EIF3B: variants seen among roughly 807,000 people sequenced by gnomAD.
EIF3B encodes eukaryotic translation initiation factor 3 subunit B.
A neutral mutation model predicts 104.6 loss-of-function variants in EIF3B; 10 were observed. That is an observed-to-expected ratio of 0.10 (90% CI 0.06 to 0.16). The LOEUF (loss-of-function observed/expected upper bound fraction) is 0.16, where lower values mean the gene tolerates loss of function less well. Among genes scored for constraint, EIF3B ranks in the 10% least tolerant of loss-of-function variants. The pLI, the probability that EIF3B is intolerant of heterozygous loss-of-function variation, is 1.00. For synonymous variants in EIF3B, 542 were observed against 417.2 expected (o/e 1.30, Z -3.65); for missense variants, 1,014 against 1,087.9 (o/e 0.93, Z 0.96).
chr7:2,363,250 C>T (rs1189705596), intron 4 of EIF3B, 123 bp downstream of exon 4: 20 of 959,260 alleles, frequency 2.1e-5, no homozygotes, highest in Non-Finnish European at 3.1e-5. Flanking sequence ...CCCAGGAATT[C>T]AAGACCAGCC....
Position 2,366,338 on chromosome 7 carries a change from C to T in EIF3B, c.1179C>T (p.Pro393=). Residue 393 remains proline, a synonymous_variant, in exon 7 of 19, where the codon CCC becomes CCT. Coordinates refer to ENST00000360876, the MANE Select transcript of EIF3B (RefSeq NM_001037283.2). The part of the protein sequence containing the change: ...PCERYLVTFS[P]LMDTQDDPQA... Reference sequence around the variant, plus strand: ...CTAGGTACCTGGTGACCTTTAGCCCCCTGATGGACACGCAGGATGACCCTC... The same window carrying T: ...CTAGGTACCTGGTGACCTTTAGCCCTCTGATGGACACGCAGGATGACCCTC... The T allele has an allele frequency of 8.1e-6, 13 of 1,611,654 alleles. No individual in the cohort carries two copies. Among genetic ancestry groups the T allele is most frequent in the Non-Finnish European group, 1.1e-5 (13 of 1,178,964 alleles).
intron 1 of EIF3B, among the ~76,000 whole-genome samples, chr7:2,359,820 G>A (rs1779637218): frequency 6.6e-6 from 1 of 152,218 alleles, no homozygotes; most frequent in Non-Finnish European, 1.5e-5. Context: ...AGGACACCCA[G>A]CTGGTGGCCC....
rs1362913914 is a variant in EIF3B at position 2,355,099 on chromosome 7, G to A, written c.178G>A (p.Ala60Thr). ...CAGTGAGGAGGTGGGGATCGCGGAGGCCGGGCCGGAGTCCGAGGTGAGGAC... is the reference window on the plus strand; with the variant it reads ...CAGTGAGGAGGTGGGGATCGCGGAGACCGGGCCGGAGTCCGAGGTGAGGAC... ...ASSEEVGIAE[A>T]GPESEVRTEP... is the part of the protein sequence containing the mutation. Residue 60 changes from alanine to threonine, a missense_variant, in exon 1 of 19, where the codon GCC becomes ACC. Around this residue, in one of 4 missense-constraint regions of EIF3B, gnomAD observed 488 missense variants for 404.3 expected, o/e 1.21. Coordinates refer to ENST00000360876, the MANE Select transcript of EIF3B (RefSeq NM_001037283.2). 3.0e-6 allele frequency: 4 copies of A among 1,349,442 alleles called. No individual in the cohort carries two copies. The African/African-American group carries it at 4.6e-5, about 16-fold the overall frequency. 83.6% of individuals were successfully genotyped at this position (1,349,442 alleles called of 1,614,324 possible).
At chr7:2,363,331 C>T (rs754609026) in intron 4 of EIF3B, among the ~76,000 whole-genome samples, 2 of 152,058 alleles carry the variant, frequency 1.3e-5, no homozygotes, top group Non-Finnish European at 2.9e-5. Flanking sequence ...GCCTGGCATG[C>T]ACCTGTATTC....
intron 8 of EIF3B, 91 bp from the exon 9 acceptor site, chr7:2,366,908 A>C: frequency 7.2e-7 from 1 of 1,383,550 alleles, no homozygotes; most frequent in Admixed American, 1.8e-5. Flanking sequence ...AACTCACATC[A>C]GACTCTTGTT....
Position 2,363,738 on chromosome 7 carries a change from C to T in EIF3B, c.977C>T (p.Pro326Leu). 1 of 1,613,992 alleles carries T rather than the reference C, an allele frequency of 6.2e-7. No homozygotes were observed. Among genetic ancestry groups the T allele is most frequent in the East Asian group, 2.2e-5 (1 of 44,862 alleles). The change falls in exon 5 of 19, where the codon CCT becomes CTT. Residue 326 changes from proline (P) to leucine (L), a missense_variant. Physicochemically the swap from Pro to Leu is moderately conservative, Grantham distance 98. Around this residue, in one of 4 missense-constraint regions of EIF3B, gnomAD observed 201 missense variants for 240.7 expected, o/e 0.83. Transcript: ENST00000360876. ...ATATTCTGGAATGACGTAAAAGACC[C>T]TGTCTCAATTGAAGAAAGAGCGGTG... is the stretch of plus-strand genomic sequence containing the variant. Reference protein sequence around the residue: ...TSIFWNDVKDPVSIEERARWT... With the variant: ...TSIFWNDVKDLVSIEERARWT...
intron 9 of EIF3B, among the ~76,000 whole-genome samples, chr7:2,368,651 T>G (rs1314018713): frequency 6.6e-6 from 1 of 152,216 alleles, no homozygotes; most frequent in Non-Finnish European, 1.5e-5. Context: ...AGGGTGGGGT[T>G]TCCAGCCTTT....
chr7:2,361,953 T>C (rs1031721265), intron 2 of EIF3B, among the ~76,000 whole-genome samples: 18 of 92,162 alleles, frequency 2.0e-4, no homozygotes, highest in African/African-American at 5.6e-4. Context: ...GCTTGCTTGC[T>C]TATTTATTTA....
At position 2,380,503 on chromosome 7, in the gene EIF3B, C is replaced by G. The variant is rs1275061544; in HGVS notation, c.*314C>G. The G allele has an allele frequency of 1.7e-5, 8 of 471,956 alleles. No homozygotes were observed. Among genetic ancestry groups the G allele is most frequent in the Admixed American group, 2.2e-5 (1 of 45,120 alleles). 29.2% of individuals were successfully genotyped at this position (471,956 alleles called of 1,614,324 possible). A position where few individuals can be genotyped will look rare whatever the true frequency, so the allele number is the denominator to read the frequency against. Reference sequence around the variant, plus strand: ...TCTGTTGGAACCGCCGGCGTTGGCTCCGAAGACTTAGCGACGCCACTGGCG... The same window carrying G: ...TCTGTTGGAACCGCCGGCGTTGGCTGCGAAGACTTAGCGACGCCACTGGCG... On this transcript the variant is annotated 3_prime_UTR_variant, in exon 19 of 19. Transcript: ENST00000360876.
Position 2,366,401 on chromosome 7 carries a change from G to T in EIF3B, c.1242G>T (p.Lys414Asn), listed in dbSNP as rs1424105911. ...TCTGGGACATCCTTACGGGGCACAA[G>T]AAGAGGGGTTTTCACTGTGAGAGCT... ...IIIWDILTGH[K>N]KRGFHCESSA... The change falls in exon 7 of 19, where the codon AAG (lysine) becomes AAT (asparagine). Residue 414 changes from lysine (K) to asparagine (N), a missense_variant. Lys to Asn is a moderately conservative substitution (Grantham distance 94). Coordinates refer to ENST00000360876, the MANE Select transcript of EIF3B (RefSeq NM_001037283.2). The T allele has an allele frequency of 6.2e-7, 1 of 1,614,092 alleles. No individual in the cohort carries two copies. The highest frequency in any genetic ancestry group is 1.7e-5 in the Admixed American group (1 of 60,000).
At chr7:2,359,271 A>C (rs1439437410) in intron 1 of EIF3B, among the ~76,000 whole-genome samples, 1 of 152,134 alleles carries the variant, frequency 6.6e-6, no homozygotes, top group Non-Finnish European at 1.5e-5. Context: ...GACTTGATTG[A>C]TGGCTGGGGC....
intron 1 of EIF3B, 138 bp from the exon 2 acceptor site, chr7:2,360,572 G>T (rs1779673989): frequency 1.5e-6 from 1 of 659,750 alleles, no homozygotes; most frequent in South Asian, 2.5e-5. Flanking sequence ...ACAAGCTAGG[G>T]TTAGGATTTC....
rs561298082 is a variant in EIF3B, at chr7:2,362,664, G to A, written c.712G>A (p.Ala238Thr). Reference protein sequence around the residue: ...KTKGYIFLEYASPAHAVDAVK... With the variant: ...KTKGYIFLEYTSPAHAVDAVK... The stretch of plus-strand genomic sequence containing the variant: ...ACTCAGGTATATTTTCCTGGAGTAC[G>A]CGTCCCCTGCCCACGCTGTGGATGC... The change falls in exon 3 of 19, where the codon GCG becomes ACG. Residue 238 changes from alanine to threonine, a missense_variant. Transcript: ENST00000360876. 24 of 1,614,248 alleles carry A rather than the reference G, an allele frequency of 1.5e-5. No individual in the cohort carries two copies. Among genetic ancestry groups the A allele is most frequent in the East Asian group, 1.1e-4 (5 of 44,884 alleles).
In EIF3B at chr7:2,379,385, T is replaced by G. The variant is rs1327837190; in HGVS notation, c.2342-9T>G. ...CCCCATGGGTGATCTGCGCCCTTTG[T>G]CCCCTCAGGGGTGGACACTGACGAG... On this transcript the variant is annotated splice_polypyrimidine_tract_variant and intron_variant, in intron 17 of 18. Transcript: ENST00000360876. 6.3e-7 allele frequency: 1 copy of G among 1,580,422 alleles called. No individual in the cohort carries two copies. The highest frequency in any genetic ancestry group is 8.6e-7 in the Non-Finnish European group (1 of 1,162,268).
chr7:2,377,447 GT>G (rs1780695263), intron 15 of EIF3B, among the ~76,000 whole-genome samples: 1 of 152,222 alleles, frequency 6.6e-6, no homozygotes, highest in Non-Finnish European at 1.5e-5. Context: ...CAGGGAGAAA[GT>G]CCGTCTCAAA....
upstream of EIF3B, chr7:2,354,277 C>G (rs1779259181): frequency 6.6e-6 from 1 of 152,234 alleles, no homozygotes; most frequent in Middle Eastern, 3.2e-3. Context: ...CTCTCTGGCT[C>G]GCCCCGAATT....
chr7:2,374,428 C>A, intron 12 of EIF3B, 100 bp from the exon 13 acceptor site: 1 of 1,117,336 alleles, frequency 8.9e-7, no homozygotes, highest in Non-Finnish European at 1.3e-6. Context: ...CCAGCTCTGC[C>A]CTCATGGGCA....
chr7:2,380,226 C>T lies in EIF3B; in HGVS notation c.*37C>T. The T allele has an allele frequency of 4.8e-6, 2 of 416,436 alleles. No homozygotes were observed. The highest frequency in any genetic ancestry group is 5.4e-5 in the Admixed American group (2 of 37,086). The allele number at this position is 416,436 out of a possible 1,614,324, so 25.8% of individuals were successfully genotyped here. A position where few individuals can be genotyped will look rare whatever the true frequency, so the allele number is the denominator to read the frequency against. On this transcript the variant is annotated 3_prime_UTR_variant, in exon 19 of 19. Transcript: ENST00000360876. ...CAGGGGACGGACTCCGCCTGCTGTTCCCGCGCTGAGCTACAGGACTCCCGA... is the reference window on the plus strand; with the variant it reads ...CAGGGGACGGACTCCGCCTGCTGTTTCCGCGCTGAGCTACAGGACTCCCGA...
In EIF3B at chr7:2,355,296, C is replaced by T. The variant is rs1041458791; in HGVS notation, c.375C>T (p.Ser125=). Residue 125 remains serine, a synonymous_variant, in exon 1 of 19, where the codon TCC becomes TCT. Coordinates refer to ENST00000360876, the MANE Select transcript of EIF3B (RefSeq NM_001037283.2). ...ERSDSRAQAV[S]EDAGGNEGRA... is the part of the protein sequence containing the mutation. ...CCGACAGCCGGGCCCAGGCGGTGTC[C>T]GAGGACGCGGGAGGAAACGAGGGCA... is the stretch of plus-strand genomic sequence containing the variant. The T allele has an allele frequency of 6.5e-6, 10 of 1,538,456 alleles. No individual in the cohort carries two copies. Among genetic ancestry groups the T allele is most frequent in the South Asian group, 1.2e-5 (1 of 84,056 alleles).
Sources: gnomAD v4.1 joint callset for allele counts (sites outside exome capture counted in the v4.1 genomes callset) on GRCh38, gnomAD v4.1.1 for gene constraint, gnomAD v4.1.1 regional missense constraint, MANE v1.5 for transcripts, NCBI Gene and HGNC (gene_info 2026-07-23, HGNC 2026-07-21) for gene names.